VAPB: variants seen among roughly 807,000 people sequenced by gnomAD.
The protein encoded by VAPB is vesicle-associated membrane protein-associated protein B/C.
VAPB carries 7 observed loss-of-function variants against 25.6 expected under a neutral mutation model. That is an observed-to-expected ratio of 0.27 (90% CI 0.16 to 0.51). VAPB has a LOEUF of 0.51. VAPB is among the 20% of genes least tolerant of loss of function. The pLI is 0.97. For synonymous variants in VAPB, 112 were observed against 109.2 expected, an observed-to-expected ratio of 1.03 and a Z score of -0.16; for missense variants, 266 against 301.3, an observed-to-expected ratio of 0.88 and a Z score of 0.87.
chr20:58,406,613 G>T (rs1279792585), intron 1 of VAPB, among the ~76,000 whole-genome samples: 2 of 152,196 alleles, frequency 1.3e-5, no homozygotes, highest in Non-Finnish European at 2.9e-5. Flanking sequence ...TCTGTATCTG[G>T]TGTGAATTGG....
intron 2 of VAPB, among the ~76,000 whole-genome samples, chr20:58,421,153 T>C (rs1243896260): frequency 6.6e-6 from 1 of 152,250 alleles, no homozygotes; most frequent in African/African-American, 2.4e-5. Flanking sequence ...ACCAGTCAGC[T>C]GAATTTTGAC....
rs895513062 is a variant in VAPB at position 58,447,572 on chromosome 20, C to G, written c.*3337C>G. 15 of 453,904 alleles carry G rather than the reference C, an allele frequency of 3.3e-5. No individual in the cohort carries two copies. The highest frequency in any genetic ancestry group is 2.6e-4 in the Admixed American group (11 of 42,552). 28.1% of individuals were successfully genotyped at this position (453,904 alleles called of 1,614,324 possible). ...AAGATATCATTGCCCAGTTTGCAGGCTATGTTGAGTCAGATAGAACTGAAT... is the reference window on the plus strand; with the variant it reads ...AAGATATCATTGCCCAGTTTGCAGGGTATGTTGAGTCAGATAGAACTGAAT... On this transcript the variant is annotated 3_prime_UTR_variant, in exon 6 of 6. Coordinates refer to ENST00000475243, the MANE Select transcript of VAPB (RefSeq NM_004738.5).
At chr20:58,403,684 A>G (rs558067109) in intron 1 of VAPB, among the ~76,000 whole-genome samples, 1 of 152,308 alleles carries the variant, frequency 6.6e-6, no homozygotes, top group Non-Finnish European at 1.5e-5. Context: ...TGTCTCATTA[A>G]TAATGCCTTC....
chr20:58,412,453 T>C (rs545623236), intron 1 of VAPB, among the ~76,000 whole-genome samples: 4 of 151,880 alleles, frequency 2.6e-5, no homozygotes, highest in South Asian at 2.1e-4. Flanking sequence ...GGCATATGCC[T>C]GTGGTCCTAG....
chr20:58,419,316 G>A lies in VAPB; in HGVS notation c.211+953G>A, dbSNP rs567077815. Among the ~76,000 whole-genome samples, 8 of 152,204 alleles carry A rather than the reference G, an allele frequency of 5.3e-5. No individual in the cohort carries two copies. In the South Asian group the frequency reaches 6.2e-4, roughly 12 times the overall value. On this transcript the variant is annotated intron_variant, in intron 2 of 5. Transcript: ENST00000475243. Reference sequence around the variant, plus strand: ...ATATAAGGTGTTTCATTATCTGATCGTTTCTGCAAACTCTTATTCCCTGCA... The same window carrying A: ...ATATAAGGTGTTTCATTATCTGATCATTTCTGCAAACTCTTATTCCCTGCA...
At chr20:58,393,859 A>G (rs571883743) in intron 1 of VAPB, among the ~76,000 whole-genome samples, 34 of 152,116 alleles carry the variant, frequency 2.2e-4, no homozygotes, top group African/African-American at 8.0e-4. Flanking sequence ...CAGCCTCCCG[A>G]GTAGCTGGGA....
At chr20:58,415,492 T>A (rs189789690) in intron 1 of VAPB, among the ~76,000 whole-genome samples, 1 of 152,332 alleles carries the variant, frequency 6.6e-6, no homozygotes, top group East Asian at 1.9e-4. Context: ...ACATTTTAGA[T>A]GCTTAGTTCC....
At chr20:58,411,035 G>T (rs1385913630) in intron 1 of VAPB, among the ~76,000 whole-genome samples, 1 of 152,138 alleles carries the variant, frequency 6.6e-6, no homozygotes, top group African/African-American at 2.4e-5. Flanking sequence ...ACTTACTTGG[G>T]TAAATACCAA....
At chr20:58,403,225 A>G (rs994348275) in intron 1 of VAPB, among the ~76,000 whole-genome samples, 1 of 152,182 alleles carries the variant, frequency 6.6e-6, no homozygotes, top group Non-Finnish European at 1.5e-5. Context: ...CTTCTATTTC[A>G]GAGAGTCAGG....
At chr20:58,431,988 T>C (rs918535077) in intron 2 of VAPB, among the ~76,000 whole-genome samples, 5 of 152,162 alleles carry the variant, frequency 3.3e-5, no homozygotes, top group Non-Finnish European at 5.9e-5. Context: ...GTAAAGATTC[T>C]TTTCCTTTCT....
intron 1 of VAPB, among the ~76,000 whole-genome samples, chr20:58,409,445 T>C (rs746013711): frequency 1.4e-4 from 21 of 152,214 alleles, no homozygotes; most frequent in Non-Finnish European, 2.9e-4. Flanking sequence ...GTCTACTGTA[T>C]TGAAACCTCA....
Position 58,434,648 on chromosome 20 carries a change from C to T in VAPB, c.258C>T (p.His86=), listed in dbSNP as rs759109378. Residue 86 remains histidine (H), a synonymous_variant, in exon 3 of 6, where the codon CAC becomes CAT. Coordinates refer to ENST00000475243, the MANE Select transcript of VAPB (RefSeq NM_004738.5). ...FDYDPNEKSK[H]KFMVQSMFAP... ...ATGATCCCAATGAGAAAAGTAAACACAAGTTTATGGTTCAGTCTATGTTTG... is the reference window on the plus strand; with the variant it reads ...ATGATCCCAATGAGAAAAGTAAACATAAGTTTATGGTTCAGTCTATGTTTG... 1.2e-6 allele frequency: 2 copies of T among 1,601,522 alleles called. No homozygotes were observed. The highest frequency in any genetic ancestry group is 1.3e-5 in the African/African-American group (1 of 74,656).
chr20:58,412,337 T>G lies in VAPB; in HGVS notation c.59-5874T>G, dbSNP rs541910836. ...GCTCACACCTCTAATCCCAGCACTTTGGGATGCCAAGGTGGGTGGATCATT... is the reference window on the plus strand; with the variant it reads ...GCTCACACCTCTAATCCCAGCACTTGGGGATGCCAAGGTGGGTGGATCATT... On this transcript the variant is annotated intron_variant, in intron 1 of 5. Coordinates refer to ENST00000475243, the MANE Select transcript of VAPB (RefSeq NM_004738.5). Among the ~76,000 whole-genome samples, 310 of 152,272 alleles carry G rather than the reference T, an allele frequency of 2.0e-3. 1 individual carries two copies. The highest frequency in any genetic ancestry group is 7.0e-3 in the African/African-American group (293 of 41,564).
chr20:58,424,266 T>G (rs1988736469), intron 2 of VAPB, among the ~76,000 whole-genome samples: 1 of 152,164 alleles, frequency 6.6e-6, no homozygotes, highest in Admixed American at 6.5e-5. Context: ...TTAGACTTAC[T>G]GTTAACCCTG....
intron 2 of VAPB, among the ~76,000 whole-genome samples, chr20:58,432,821 A>T (rs889727167): frequency 6.6e-6 from 1 of 152,238 alleles, no homozygotes; most frequent in East Asian, 1.9e-4. Flanking sequence ...TAAATGTTCC[A>T]GGTCTGTCTG....
chr20:58,424,979 C>A (rs556722998), intron 2 of VAPB, among the ~76,000 whole-genome samples: 14 of 152,242 alleles, frequency 9.2e-5, no homozygotes, highest in Admixed American at 9.2e-4. Context: ...ATGATCTCAA[C>A]GTGTTCTGGA....
intron 2 of VAPB, among the ~76,000 whole-genome samples, chr20:58,419,451 C>T (rs1189798799): frequency 1.3e-5 from 2 of 152,156 alleles, no homozygotes; most frequent in African/African-American, 4.8e-5. Flanking sequence ...TCAGGAGGGT[C>T]GAAGCCAGCA....
intron 1 of VAPB, among the ~76,000 whole-genome samples, chr20:58,410,636 C>T (rs1988354628): frequency 6.6e-6 from 1 of 151,490 alleles, no homozygotes; most frequent in Admixed American, 6.6e-5. Context: ...AGGCTGGTCT[C>T]GAACTCCTGA....
At chr20:58,397,890 T>G (rs1988001769) in intron 1 of VAPB, among the ~76,000 whole-genome samples, 1 of 152,170 alleles carries the variant, frequency 6.6e-6, no homozygotes, top group African/African-American at 2.4e-5. Flanking sequence ...CTGTATGAGA[T>G]ACACTTTGGG....
Sources: allele counts gnomAD v4.1 joint callset (sites outside exome capture counted in the v4.1 genomes callset), GRCh38; gene constraint gnomAD v4.1.1; transcripts MANE v1.5; gene names NCBI Gene and HGNC (gene_info 2026-07-23, HGNC 2026-07-21).